The following PMFBP1 variants were observed in gnomAD, a reference collection of about 807,000 sequenced individuals.
PMFBP1 encodes the protein polyamine-modulated factor 1-binding protein 1.
A neutral mutation model predicts 137.8 loss-of-function variants in PMFBP1; 131 were observed. The observed-to-expected ratio is 0.95, with a 90% confidence interval of 0.82 to 1.10. PMFBP1 has a LOEUF of 1.10. Among genes scored for constraint, PMFBP1 ranks in the 50% least tolerant of loss-of-function variants. The probability of loss-of-function intolerance (pLI) is 0.00; values close to 1 mark genes in which losing one functional copy is unlikely to be tolerated. For missense variants in PMFBP1, 1,199 were observed against 1,175.4 expected (o/e 1.02, Z -0.29); for synonymous variants, 490 against 450.4 (o/e 1.09, Z -1.11).
At chr16:72,175,622 G>C (rs1295652070), upstream of PMFBP1, among the ~76,000 whole-genome samples, 2 of 152,148 alleles carry the variant, frequency 1.3e-5, no homozygotes, top group Non-Finnish European at 2.9e-5. Flanking sequence ...CATGTTTCCG[G>C]GTTTTCAGGA....
chr16:72,205,021 A>G, the PMFBP1 span, among the ~76,000 whole-genome samples: 4 of 152,160 alleles, frequency 2.6e-5, no homozygotes, highest in African/African-American at 7.2e-5. Context: ...CACAGGCCCT[A>G]TGTACTAACT....
upstream of PMFBP1, among the ~76,000 whole-genome samples, chr16:72,178,423 T>G (rs74750989): frequency 0.038 from 5,721 of 152,304 alleles, 326 homozygotes; most frequent in African/African-American, 0.13. Context: ...TGTCACCTGC[T>G]ATCTTTAGCA....
the PMFBP1 span, among the ~76,000 whole-genome samples, chr16:72,227,190 C>T: frequency 6.0e-3 from 919 of 152,214 alleles, 8 homozygotes; most frequent in African/African-American, 0.021. Context: ...GATTCAGAGA[C>T]GTTAACTTCA....
chr16:72,172,346 A>C (rs2043230291), upstream of PMFBP1: 1 of 151,392 alleles, frequency 6.6e-6, no homozygotes, highest in Admixed American at 6.6e-5. Flanking sequence ...TACGACCGTG[A>C]AGGTTTATTT....
At chr16:72,186,008 A>G in the PMFBP1 span, among the ~76,000 whole-genome samples, 3 of 152,218 alleles carry the variant, frequency 2.0e-5, no homozygotes, top group Non-Finnish European at 4.4e-5. Flanking sequence ...TGGGGCTGAT[A>G]CAATCAGTCT....
chr16:72,206,726 A>G, the PMFBP1 span, among the ~76,000 whole-genome samples: 1 of 152,126 alleles, frequency 6.6e-6, no homozygotes, highest in Non-Finnish European at 1.5e-5. Context: ...TTCCCGGCGC[A>G]CTGCTTTTAG....
At chr16:72,181,995 A>C in the PMFBP1 span, among the ~76,000 whole-genome samples, 1 of 152,190 alleles carries the variant, frequency 6.6e-6, no homozygotes, top group African/African-American at 2.4e-5. Flanking sequence ...AAATCACCTA[A>C]TGTTTTAAGA....
chr16:72,157,087 G>A (rs1033195243), intron 3 of PMFBP1, among the ~76,000 whole-genome samples: 2 of 149,238 alleles, frequency 1.3e-5, no homozygotes, highest in Non-Finnish European at 3.0e-5. Flanking sequence ...TACTCAGGAG[G>A]TTGAGGCAGG....
At chr16:72,145,029 A>G (rs1032665632) in intron 5 of PMFBP1, among the ~76,000 whole-genome samples, 5 of 152,206 alleles carry the variant, frequency 3.3e-5, no homozygotes, top group African/African-American at 1.2e-4. Context: ...CACCAAGCGG[A>G]CCTAATAGAC....
At chr16:72,244,433 G>T in the PMFBP1 span, among the ~76,000 whole-genome samples, 1 of 152,124 alleles carries the variant, frequency 6.6e-6, no homozygotes, top group African/African-American at 2.4e-5. Context: ...GACACTAAAG[G>T]ATAAAGGATA....
At position 72,140,519 on chromosome 16, in the gene PMFBP1, C is replaced by T. The variant is rs748859195; in HGVS notation, c.700G>A (p.Glu234Lys). The T allele has an allele frequency of 2.1e-5, 34 of 1,613,278 alleles. 1 individual carries two copies. In the South Asian group the frequency reaches 3.7e-4, roughly 18 times the overall value. The change falls in exon 6 of 21, where the codon GAG becomes AAG. Residue 234 changes from glutamate to lysine, a missense_variant. Physicochemically the swap from Glu to Lys is moderately conservative, Grantham distance 56 (BLOSUM62 1). Transcript: ENST00000237353. Reference protein sequence around the residue: ...RIYTSPCMIQEHQETQKRLSE... With the variant: ...RIYTSPCMIQKHQETQKRLSE... ...AGTCGTTTCTGAGTCTCCTGATGCTCTTGAATCATGCAAGGAGAAGTGTAT... is the reference window on the plus strand; with the variant it reads ...AGTCGTTTCTGAGTCTCCTGATGCTTTTGAATCATGCAAGGAGAAGTGTAT...
At chr16:72,210,844 G>A in the PMFBP1 span, among the ~76,000 whole-genome samples, 1 of 152,050 alleles carries the variant, frequency 6.6e-6, no homozygotes, top group Admixed American at 6.6e-5. Context: ...GGGTTCTCAG[G>A]ACAAATGACA....
At chr16:72,147,424 G>C (rs2042825831) in intron 5 of PMFBP1, among the ~76,000 whole-genome samples, 1 of 152,144 alleles carries the variant, frequency 6.6e-6, no homozygotes, top group Non-Finnish European at 1.5e-5. Flanking sequence ...ATAAACCCTA[G>C]AAGAAAACCT....
intron 5 of PMFBP1, among the ~76,000 whole-genome samples, chr16:72,143,078 A>T (rs2042747072): frequency 6.6e-6 from 1 of 152,250 alleles, no homozygotes; most frequent in Non-Finnish European, 1.5e-5. Flanking sequence ...AATCTGCTTC[A>T]TTGATGGATA....
rs1331857687 is a variant in PMFBP1, at chr16:72,133,003, A to AAAATGC, written c.1204-18_1204-13dup. On this transcript the variant is annotated splice_polypyrimidine_tract_variant and intron_variant, in intron 9 of 20. Coordinates refer to ENST00000237353, the MANE Select transcript of PMFBP1 (RefSeq NM_031293.3). ...TTCTCTTGGAGGAACTGAAGACAGC[A>AAAATGC]AAATGCAAATGCTGGGAAAGGTCTG... 1 of 1,613,722 alleles carries AAAATGC rather than the reference A, an allele frequency of 6.2e-7. No individual in the cohort carries two copies. Among genetic ancestry groups the AAAATGC allele is most frequent in the South Asian group, 1.1e-5 (1 of 91,026 alleles).
In PMFBP1 at chr16:72,130,643, C is replaced by A. The variant is rs2144282224; in HGVS notation, c.1527G>T (p.Lys509Asn). 6.2e-7 allele frequency: 1 copy of A among 1,613,958 alleles called. No homozygotes were observed. The highest frequency in any genetic ancestry group is 8.5e-7 in the Non-Finnish European group (1 of 1,179,986). The change falls in exon 11 of 21, where the codon AAG (lysine) becomes AAT (asparagine). Residue 509 changes from lysine (K) to asparagine (N), a missense_variant. Coordinates refer to ENST00000237353, the MANE Select transcript of PMFBP1 (RefSeq NM_031293.3). ...HLEDTQRKLQ[K>N]GLLLDKQKAD... is the part of the protein sequence containing the mutation. ...CCTTCTGCTTGTCCAGGAGGAGACC[C>A]TTCTGCAGTTTCCTCTGGGTGTCCT...
At chr16:72,218,463 G>A in the PMFBP1 span, among the ~76,000 whole-genome samples, 1 of 152,050 alleles carries the variant, frequency 6.6e-6, no homozygotes, top group Non-Finnish European at 1.5e-5. Flanking sequence ...GAGTAGCTGG[G>A]CTTACAGCTG....
At chr16:72,185,815 T>G in the PMFBP1 span, among the ~76,000 whole-genome samples, 2 of 152,198 alleles carry the variant, frequency 1.3e-5, no homozygotes, top group African/African-American at 4.8e-5. Context: ...ATCACTGTCA[T>G]GAGAACTGGA....
chr16:72,159,623 A>T (rs71386951), intron 3 of PMFBP1, among the ~76,000 whole-genome samples: 10,615 of 152,246 alleles, frequency 0.07, 460 homozygotes, highest in Non-Finnish European at 0.098. Flanking sequence ...AATTTCAAAG[A>T]CTTGGAGAAA....
Sources: gnomAD v4.1 joint callset for allele counts (sites outside exome capture counted in the v4.1 genomes callset) on GRCh38, gnomAD v4.1.1 for gene constraint, MANE v1.5 for transcripts, NCBI Gene and HGNC (gene_info 2026-07-23, HGNC 2026-07-21) for gene names.